Variants in WWC1 observed in about 807,000 individuals in gnomAD.
The protein encoded by WWC1 is protein KIBRA.
A neutral mutation model predicts 138.4 loss-of-function variants in WWC1; 55 were observed. That is an observed-to-expected ratio of 0.40 (90% CI 0.32 to 0.50). WWC1 has a LOEUF of 0.50. Among genes scored for constraint, WWC1 ranks in the 20% least tolerant of loss-of-function variants. The pLI is 0.72. For synonymous variants in WWC1, 524 were observed against 564.9 expected, an observed-to-expected ratio of 0.93 and a Z score of 1.03; for missense variants, 1,226 against 1,420.4, an observed-to-expected ratio of 0.86 and a Z score of 2.20.
At chr5:168,322,133 CAT>C (rs896333840) in intron 1 of WWC1, among the ~76,000 whole-genome samples, 12 of 152,172 alleles carry the variant, frequency 7.9e-5, no homozygotes, top group East Asian at 5.8e-4. Context: ...GGCAACATGA[CAT>C]GTGATTTTGT....
chr5:168,444,600 C>T lies in WWC1; in HGVS notation c.2525+15C>T. ...GAAGACAGCTGGTGAGTGAGCCCGC[C>T]CTTGGGCCCCAGGAGCTGCCCTGCC... On this transcript the variant is annotated intron_variant, in intron 17 of 22. Coordinates refer to ENST00000265293, the MANE Select transcript of WWC1 (RefSeq NM_015238.3). 3.7e-6 allele frequency: 6 copies of T among 1,612,996 alleles called. No homozygotes were observed. Among genetic ancestry groups the T allele is most frequent in the Non-Finnish European group, 5.1e-6 (6 of 1,179,860 alleles).
Position 168,306,602 on chromosome 5 carries a change from T to C in WWC1, c.119+14331T>C, listed in dbSNP as rs528842971. Among the ~76,000 whole-genome samples the C allele has an allele frequency of 2.0e-5, 3 of 152,260 alleles. No individual in the cohort carries two copies. In the East Asian group the frequency reaches 5.8e-4, roughly 29 times the overall value. Reference sequence around the variant, plus strand: ...TTGATCTAAGCTGCTTTATTTTCTATTTATTTGTTTTTGAGACAGAGTCTT... The same window carrying C: ...TTGATCTAAGCTGCTTTATTTTCTACTTATTTGTTTTTGAGACAGAGTCTT... On this transcript the variant is annotated intron_variant, in intron 1 of 22. Transcript: ENST00000265293.
chr5:168,316,139 C>T (rs760005337), intron 1 of WWC1, among the ~76,000 whole-genome samples: 5 of 152,110 alleles, frequency 3.3e-5, no homozygotes, highest in South Asian at 2.1e-4. Flanking sequence ...TCCCCCTCAG[C>T]GTTTCTCAGA....
chr5:168,409,481 G>A (rs1426730774), intron 7 of WWC1, among the ~76,000 whole-genome samples: 1 of 152,134 alleles, frequency 6.6e-6, no homozygotes, highest in Non-Finnish European at 1.5e-5. Context: ...GTGAGTGCAG[G>A]GGTCTTCTCC....
intron 1 of WWC1, among the ~76,000 whole-genome samples, chr5:168,337,628 C>T (rs537633949): frequency 2.0e-5 from 3 of 152,356 alleles, no homozygotes; most frequent in African/African-American, 7.2e-5. Context: ...AAGAGAAACA[C>T]TGTTTCTGTT....
At chr5:168,373,920 T>C (rs1413083723) in intron 2 of WWC1, among the ~76,000 whole-genome samples, 2 of 151,062 alleles carry the variant, frequency 1.3e-5, no homozygotes, top group Non-Finnish European at 3.0e-5. Context: ...GTGGCGGGCA[T>C]CTGTAATCCC....
intron 1 of WWC1, among the ~76,000 whole-genome samples, chr5:168,348,960 C>T (rs1047901403): frequency 1.3e-5 from 2 of 152,154 alleles, no homozygotes; most frequent in Non-Finnish European, 2.9e-5. Flanking sequence ...CACACGTCAT[C>T]CTATAAACCT....
At chr5:168,355,543 C>T (rs1327209418) in intron 1 of WWC1, among the ~76,000 whole-genome samples, 1 of 149,968 alleles carries the variant, frequency 6.7e-6, no homozygotes, top group Non-Finnish European at 1.5e-5. Context: ...GAGAGCCAGC[C>T]ATGCAAAAAG....
At chr5:168,308,016 C>T (rs1257121627) in intron 1 of WWC1, among the ~76,000 whole-genome samples, 2 of 152,132 alleles carry the variant, frequency 1.3e-5, no homozygotes, top group Non-Finnish European at 2.9e-5. Context: ...TGTTTGGTGC[C>T]TGAACGGCCT....
intron 10 of WWC1, 135 bp downstream of exon 10, chr5:168,422,232 G>T: frequency 1.2e-6 from 1 of 844,740 alleles, no homozygotes. Flanking sequence ...ATAGCAAATG[G>T]ATTGTCAGCA....
intron 17 of WWC1, among the ~76,000 whole-genome samples, chr5:168,447,875 C>T (rs1229579000): frequency 3.9e-5 from 6 of 151,926 alleles, no homozygotes; most frequent in African/African-American, 2.4e-5. Context: ...CTCTGCCTCT[C>T]TCTCTCTTTC....
intron 1 of WWC1, among the ~76,000 whole-genome samples, chr5:168,294,132 A>G (rs1769311972): frequency 6.6e-6 from 1 of 152,112 alleles, no homozygotes; most frequent in African/African-American, 2.4e-5. Context: ...GCATCTGGGG[A>G]CTTCTAATAC....
chr5:168,312,092 C>T (rs1199253589), intron 1 of WWC1, among the ~76,000 whole-genome samples: 1 of 150,196 alleles, frequency 6.7e-6, no homozygotes, highest in Non-Finnish European at 1.5e-5. Flanking sequence ...GTGGTGCATG[C>T]CTGTAATCCC....
chr5:168,451,757 C>A, intron 17 of WWC1, among the ~76,000 whole-genome samples: 1 of 152,214 alleles, frequency 6.6e-6, no homozygotes, highest in South Asian at 2.1e-4. Context: ...TAAAACCCAA[C>A]AAGATGCAAG....
chr5:168,296,037 C>G (rs1053023886), intron 1 of WWC1, among the ~76,000 whole-genome samples: 1 of 152,212 alleles, frequency 6.6e-6, no homozygotes, highest in Non-Finnish European at 1.5e-5. Context: ...ACCTTGGAGC[C>G]GTGCTCCTTT....
chr5:168,443,021 G>A (rs1754924780), intron 16 of WWC1, among the ~76,000 whole-genome samples: 1 of 152,128 alleles, frequency 6.6e-6, no homozygotes, highest in African/African-American at 2.4e-5. Context: ...GTTGAGCAGT[G>A]AAGTTAGTCT....
intron 5 of WWC1, among the ~76,000 whole-genome samples, chr5:168,404,941 G>A (rs530765190): frequency 1.5e-4 from 22 of 150,872 alleles, no homozygotes; most frequent in Non-Finnish European, 2.5e-4. Context: ...TGTATGTAGG[G>A]CCTGGATAAG....
In WWC1 at chr5:168,423,802, G is replaced by A. The variant is rs1781309383; in HGVS notation, c.1544G>A (p.Gly515Asp). 1 of 1,614,130 alleles carries A rather than the reference G, an allele frequency of 6.2e-7. No individual in the cohort carries two copies. Among genetic ancestry groups the A allele is most frequent in the Non-Finnish European group, 8.5e-7 (1 of 1,180,022 alleles). Reference protein sequence around the residue: ...EVAKTQKAEGGGRLQALRSLS... With the variant: ...EVAKTQKAEGDGRLQALRSLS... ...GCCAAGACCCAGAAGGCAGAGGGAGGTGGCCGCCTGCAGGCTCTGCGTTCC... is the reference window on the plus strand; with the variant it reads ...GCCAAGACCCAGAAGGCAGAGGGAGATGGCCGCCTGCAGGCTCTGCGTTCC... The change falls in exon 11 of 23, where the codon GGT (glycine) becomes GAT (aspartate). Residue 515 changes from glycine to aspartate, a missense_variant. Around this residue, in one of 3 missense-constraint regions of WWC1, gnomAD observed 1,016 missense variants for 1,153.9 expected, o/e 0.88. Coordinates refer to ENST00000265293, the MANE Select transcript of WWC1 (RefSeq NM_015238.3).
intron 1 of WWC1, among the ~76,000 whole-genome samples, chr5:168,313,354 G>T (rs1050174774): frequency 6.6e-6 from 1 of 151,880 alleles, no homozygotes; most frequent in Admixed American, 6.6e-5. Flanking sequence ...ACTTTGGGAG[G>T]CCGAGATGGG....
Sources: allele counts gnomAD v4.1 joint callset (sites outside exome capture counted in the v4.1 genomes callset), GRCh38; gene constraint gnomAD v4.1.1; regional missense constraint gnomAD v4.1.1; transcripts MANE v1.5; gene names NCBI Gene and HGNC (gene_info 2026-07-23, HGNC 2026-07-21).